TANC1: variants seen among roughly 807,000 people sequenced by gnomAD.
TANC1 encodes the protein tetratricopeptide repeat, ankyrin repeat and coiled-coil containing 1.
TANC1 carries 77 observed loss-of-function variants against 149.7 expected under a neutral mutation model. That is an observed-to-expected ratio of 0.51 (90% CI 0.43 to 0.62). The LOEUF (loss-of-function observed/expected upper bound fraction) is 0.62. Ranked by LOEUF, TANC1 falls within the 20% of genes least tolerant of loss-of-function variation. TANC1 has a pLI of 0.00. For synonymous variants in TANC1, 854 were observed against 925.0 expected (o/e 0.92, Z 1.39); for missense variants, 1,985 against 2,321.8 (o/e 0.85, Z 2.98).
chr2:159,138,971 A>G (rs1325678158), intron 5 of TANC1, among the ~76,000 whole-genome samples: 1 of 152,242 alleles, frequency 6.6e-6, no homozygotes, highest in African/African-American at 2.4e-5. Flanking sequence ...GCTTATTTAT[A>G]AGTAATTGCA....
At chr2:159,015,282 G>A (rs997402242) in intron 2 of TANC1, among the ~76,000 whole-genome samples, 2 of 152,332 alleles carry the variant, frequency 1.3e-5, no homozygotes, top group East Asian at 1.9e-4. Flanking sequence ...ACCCTCTGAG[G>A]CCACAGTCCA....
At position 158,976,417 on chromosome 2, in the gene TANC1, T is replaced by A. The variant is rs2033675434; in HGVS notation, c.-126+7635T>A. 2.0e-5 allele frequency among the ~76,000 whole-genome samples: 3 copies of A among 152,208 alleles called. No homozygotes were observed. The South Asian group carries it at 6.2e-4, about 32-fold the overall frequency. On this transcript the variant is annotated intron_variant, in intron 1 of 26. Transcript: ENST00000263635. ...CTATCCATCTAAATACATTTATGGCTAGATTATCTGGTTTTAACTAAACTG... is the reference window on the plus strand; with the variant it reads ...CTATCCATCTAAATACATTTATGGCAAGATTATCTGGTTTTAACTAAACTG...
intron 1 of TANC1, among the ~76,000 whole-genome samples, chr2:158,999,711 G>A (rs970686770): frequency 6.6e-6 from 1 of 152,190 alleles, no homozygotes; most frequent in African/African-American, 2.4e-5. Flanking sequence ...GAAAATGTCC[G>A]ACATCATATG....
In TANC1 at chr2:159,229,801, A is replaced by G. The variant is rs201221720; in HGVS notation, c.4375A>G (p.Thr1459Ala). 5.0e-6 allele frequency: 8 copies of G among 1,613,568 alleles called. No homozygotes were observed. In the African/African-American group the frequency reaches 9.4e-5, roughly 19 times the overall value. The change falls in exon 27 of 27, where the codon ACT becomes GCT. Residue 1459 changes from threonine to alanine, a missense_variant. By Grantham distance (58) the Thr-to-Ala change is moderately conservative. Transcript: ENST00000263635. ...GLSDHFHSEETEEEETSPQEE... is the reference protein window; with the variant it reads ...GLSDHFHSEEAEEEETSPQEE... Reference sequence around the variant, plus strand: ...AAGTGACCACTTTCACTCTGAGGAGACTGAAGAGGAAGAAACTTCTCCCCA... The same window carrying G: ...AAGTGACCACTTTCACTCTGAGGAGGCTGAAGAGGAAGAAACTTCTCCCCA...
At chr2:159,068,870 G>A (rs1435015075) in intron 3 of TANC1, among the ~76,000 whole-genome samples, 1 of 152,132 alleles carries the variant, frequency 6.6e-6, no homozygotes, top group African/African-American at 2.4e-5. Flanking sequence ...CTCCCGAGTA[G>A]TTGGGATTAT....
rs998022493 is a variant in TANC1, at chr2:159,077,131, T to C, written c.61+11160T>C. Among the ~76,000 whole-genome samples the C allele has an allele frequency of 1.2e-4, 19 of 152,246 alleles. 1 individual carries two copies. The highest frequency in any genetic ancestry group is 1.0e-3 in the South Asian group (5 of 4,822). Reference sequence around the variant, plus strand: ...TAAAGTGCAGTGGTGCGATCATAGCTCACTGTAGCCTCTAACTTCTGGATT... The same window carrying C: ...TAAAGTGCAGTGGTGCGATCATAGCCCACTGTAGCCTCTAACTTCTGGATT... On this transcript the variant is annotated intron_variant, in intron 3 of 26. Transcript: ENST00000263635.
intron 2 of TANC1, among the ~76,000 whole-genome samples, chr2:159,005,003 CA>C (rs2037013248): frequency 6.6e-6 from 1 of 152,162 alleles, no homozygotes; most frequent in East Asian, 1.9e-4. Flanking sequence ...TGGGCCGAAA[CA>C]AAGGGATGGG....
chr2:159,194,097 G>T (rs1331968639), intron 16 of TANC1, among the ~76,000 whole-genome samples, 160 bp from the exon 17 acceptor site: 1 of 152,190 alleles, frequency 6.6e-6, no homozygotes, highest in East Asian at 1.9e-4. Context: ...CCACCAATGA[G>T]AATGTGCATT....
rs2034329207 is a variant in TANC1, at chr2:158,981,494, TATATA to T, written c.-126+12713_-126+12717del. Among the ~76,000 whole-genome samples, 24 of 6,306 alleles carry T rather than the reference TATATA, an allele frequency of 3.8e-3. No homozygotes were observed. The Admixed American group carries it at 0.044, about 12-fold the overall frequency. 4.1% of individuals were successfully genotyped at this position (6,306 alleles called of 152,430 possible). On this transcript the variant is annotated intron_variant, in intron 1 of 26. Coordinates refer to ENST00000263635, the MANE Select transcript of TANC1 (RefSeq NM_033394.3). Reference sequence around the variant, plus strand: ...TTTAGCAATTAATATATAGCTTTTATATATATATATATATATATATATATATATAT... The same window carrying T: ...TTTAGCAATTAATATATAGCTTTTATTATATATATATATATATATATATAT...
At chr2:158,982,969 T>C (rs2149231960) in intron 1 of TANC1, among the ~76,000 whole-genome samples, 1 of 152,206 alleles carries the variant, frequency 6.6e-6, no homozygotes. Flanking sequence ...TAAATTGAAG[T>C]TTTTAATTGT....
intron 2 of TANC1, among the ~76,000 whole-genome samples, chr2:159,040,071 C>A (rs1054251272): frequency 6.6e-6 from 1 of 152,154 alleles, no homozygotes; most frequent in Non-Finnish European, 1.5e-5. Flanking sequence ...ATAGTTAGCT[C>A]TTCTTGTTGT....
chr2:159,180,826 G>C (rs916580456), intron 14 of TANC1, among the ~76,000 whole-genome samples: 1 of 152,200 alleles, frequency 6.6e-6, no homozygotes, highest in African/African-American at 2.4e-5. Context: ...TTGGGACAAG[G>C]ACCCTGCTCT....
At chr2:158,973,765 C>G (rs2033241269) in intron 1 of TANC1, among the ~76,000 whole-genome samples, 1 of 152,150 alleles carries the variant, frequency 6.6e-6, no homozygotes, top group Non-Finnish European at 1.5e-5. Flanking sequence ...AACAACATAC[C>G]AAAGGATATG....
intron 1 of TANC1, among the ~76,000 whole-genome samples, chr2:158,985,536 G>A (rs890937441): frequency 2.0e-5 from 3 of 152,218 alleles, no homozygotes; most frequent in African/African-American, 7.2e-5. Context: ...TAGTGCCAAA[G>A]GTGGACTGGT....
intron 2 of TANC1, among the ~76,000 whole-genome samples, chr2:159,010,797 C>G (rs1159761477): frequency 6.6e-6 from 1 of 150,632 alleles, no homozygotes; most frequent in Non-Finnish European, 1.5e-5. Flanking sequence ...CTCATTCACA[C>G]TGGATCTTAA....
In TANC1 at chr2:159,084,897, G is replaced by T. The variant is rs11885660; in HGVS notation, c.62-12740G>T. Reference sequence around the variant, plus strand: ...TCTGACTCCGGAGTCAAACTGGCTGGGTTCAATTCCGGATCTGCCACTTTC... The same window carrying T: ...TCTGACTCCGGAGTCAAACTGGCTGTGTTCAATTCCGGATCTGCCACTTTC... On this transcript the variant is annotated intron_variant, in intron 3 of 26. Transcript: ENST00000263635. 8.2e-3 allele frequency among the ~76,000 whole-genome samples: 1,242 copies of T among 152,240 alleles called. 20 individuals carry two copies. Among genetic ancestry groups the T allele is most frequent in the African/African-American group, 0.028 (1,180 of 41,536 alleles).
chr2:159,086,697 G>A (rs930013396), intron 3 of TANC1, among the ~76,000 whole-genome samples: 6 of 152,094 alleles, frequency 3.9e-5, no homozygotes, highest in Admixed American at 6.5e-5. Flanking sequence ...TATAAAACAT[G>A]TCAGAATATA....
intron 1 of TANC1, among the ~76,000 whole-genome samples, chr2:158,999,775 C>CTG (rs2036462578): frequency 6.6e-6 from 1 of 152,186 alleles, no homozygotes; most frequent in Non-Finnish European, 1.5e-5. Context: ...GAAAGTAGGT[C>CTG]CACTGTACTC....
chr2:159,044,187 C>A (rs1399281041), intron 2 of TANC1, among the ~76,000 whole-genome samples: 2 of 152,200 alleles, frequency 1.3e-5, no homozygotes, highest in African/African-American at 4.8e-5. Flanking sequence ...CGCCTGTAAT[C>A]CCAGCACTTT....
Sources: allele counts gnomAD v4.1 joint callset (sites outside exome capture counted in the v4.1 genomes callset), GRCh38; gene constraint gnomAD v4.1.1; transcripts MANE v1.5; gene names NCBI Gene and HGNC (gene_info 2026-07-23, HGNC 2026-07-21).